HAO1: variants seen among roughly 807,000 people sequenced by gnomAD.
HAO1 encodes hydroxyacid oxidase 1.
A neutral mutation model predicts 39.7 loss-of-function variants in HAO1; 34 were observed. That is an observed-to-expected ratio of 0.86 (90% confidence interval 0.65 to 1.14). The LOEUF (loss-of-function observed/expected upper bound fraction) is 1.14. HAO1 is among the 50% of genes most tolerant of loss of function. HAO1 has a pLI of 0.00. For missense variants in HAO1, 479 were observed against 464.5 expected (o/e 1.03, Z -0.29); for synonymous variants, 172 against 173.2 (o/e 0.99, Z 0.05).
Position 7,906,180 on chromosome 20 carries a change from G to A in HAO1, c.695C>T (p.Pro232Leu). Reference sequence around the variant, plus strand: ...TCTCAAAATGCCCTTTGCAACAATTGGCAATGATGTCAGTCTTCTCAGCCA... The same window carrying A: ...TCTCAAAATGCCCTTTGCAACAATTAGCAATGATGTCAGTCTTCTCAGCCA... ...IKWLRRLTSL[P>L]IVAKGILRGD... The change falls in exon 4 of 8, where the codon CCA (proline) becomes CTA (leucine). Residue 232 changes from proline (P) to leucine (L), a missense_variant. Physicochemically the swap from Pro to Leu is moderately conservative, Grantham distance 98. Transcript: ENST00000378789. 1 of 1,612,954 alleles carries A rather than the reference G, an allele frequency of 6.2e-7. No individual in the cohort carries two copies. Among genetic ancestry groups the A allele is most frequent in the Non-Finnish European group, 8.5e-7 (1 of 1,179,054 alleles).
At chr20:7,921,951 C>A (rs1257164923) in intron 2 of HAO1, among the ~76,000 whole-genome samples, 1 of 151,798 alleles carries the variant, frequency 6.6e-6, no homozygotes, top group East Asian at 1.9e-4. Flanking sequence ...CTGGGGAATA[C>A]AACAGTGGGG....
intron 4 of HAO1, among the ~76,000 whole-genome samples, chr20:7,903,899 G>A (rs1169268431): frequency 6.6e-6 from 1 of 151,658 alleles, no homozygotes; most frequent in Non-Finnish European, 1.5e-5. Flanking sequence ...GGTGGTGGTG[G>A]TGGCAGTGGT....
rs1314021206 is a variant in HAO1, at chr20:7,914,496, G to A, written c.290-77C>T. ...AAACCTTTGAATTGTAGTTGGATGA[G>A]TAAAGACATCTAGAAGGGCAATTTG... On this transcript the variant is annotated intron_variant, in intron 2 of 7. Coordinates refer to ENST00000378789, the MANE Select transcript of HAO1 (RefSeq NM_017545.3). 3.3e-6 allele frequency: 5 copies of A among 1,510,150 alleles called. No homozygotes were observed. The Admixed American group carries it at 5.4e-5, about 16-fold the overall frequency. The allele number at this position is 1,510,150 out of a possible 1,614,324, so 93.5% of individuals were successfully genotyped here. A position where few individuals can be genotyped will look rare whatever the true frequency, so the allele number is the denominator to read the frequency against.
intron 2 of HAO1, among the ~76,000 whole-genome samples, chr20:7,922,321 A>G (rs1348457664): frequency 6.6e-6 from 1 of 152,156 alleles, no homozygotes; most frequent in Non-Finnish European, 1.5e-5. Context: ...AGATGCAAAG[A>G]AAAGGGAACC....
At chr20:7,939,286 C>T (rs2050429270) in intron 1 of HAO1, among the ~76,000 whole-genome samples, 1 of 152,174 alleles carries the variant, frequency 6.6e-6, no homozygotes, top group African/African-American at 2.4e-5. Flanking sequence ...ACCCCATTGC[C>T]ATTTTCAGTC....
intron 3 of HAO1, among the ~76,000 whole-genome samples, chr20:7,911,851 C>A (rs550573527): frequency 6.6e-6 from 1 of 152,220 alleles, no homozygotes; most frequent in Non-Finnish European, 1.5e-5. Flanking sequence ...CAGAAAGAAA[C>A]CGATTTCATA....
chr20:7,920,532 G>T (rs531870681), intron 2 of HAO1, among the ~76,000 whole-genome samples: 1 of 152,118 alleles, frequency 6.6e-6, no homozygotes, highest in African/African-American at 2.4e-5. Flanking sequence ...TACTCCAGTC[G>T]CACTGAAACT....
At chr20:7,921,742 G>A (rs954280417) in intron 2 of HAO1, among the ~76,000 whole-genome samples, 5 of 151,794 alleles carry the variant, frequency 3.3e-5, no homozygotes, top group Non-Finnish European at 7.4e-5. Context: ...TTTAAAATGT[G>A]GTACATATCC....
In HAO1 at chr20:7,940,313, A is replaced by C. The variant is rs760686125; in HGVS notation, c.110T>G (p.Leu37Trp). 2 of 1,607,034 alleles carry C rather than the reference A, an allele frequency of 1.2e-6. No individual in the cohort carries two copies. Among genetic ancestry groups the C allele is most frequent in the Non-Finnish European group, 1.7e-6 (2 of 1,177,972 alleles). The change falls in exon 1 of 8, where the codon TTG becomes TGG. Residue 37 changes from leucine to tryptophan, a missense_variant. Coordinates refer to ENST00000378789, the MANE Select transcript of HAO1 (RefSeq NM_017545.3). Reference protein sequence around the residue: ...YRSGANDEETLADNIAAFSRW... With the variant: ...YRSGANDEETWADNIAAFSRW... ...GGAAAATGCTGCAATATTATCAGCCAAAGTTTCTTCATCATTTGCCCCAGA... is the reference window on the plus strand; with the variant it reads ...GGAAAATGCTGCAATATTATCAGCCCAAGTTTCTTCATCATTTGCCCCAGA...
At position 7,919,232 on chromosome 20, in the gene HAO1, T is replaced by C. The variant is rs139489402; in HGVS notation, c.290-4813A>G. Among the ~76,000 whole-genome samples, 10 of 152,330 alleles carry C rather than the reference T, an allele frequency of 6.6e-5. No homozygotes were observed. The East Asian group carries it at 1.3e-3, about 21-fold the overall frequency. ...AGCCTACACCATCAAGTAACACTGA[T>C]CTTGTATGAAATCCCAGGACTCTCT... On this transcript the variant is annotated intron_variant, in intron 2 of 7. Coordinates refer to ENST00000378789, the MANE Select transcript of HAO1 (RefSeq NM_017545.3).
At chr20:7,905,369 G>A (rs566980371) in intron 4 of HAO1, among the ~76,000 whole-genome samples, 9 of 152,228 alleles carry the variant, frequency 5.9e-5, no homozygotes, top group Admixed American at 5.9e-4. Context: ...CTATGAAAAA[G>A]TTTTGATTCA....
intron 3 of HAO1, among the ~76,000 whole-genome samples, chr20:7,908,196 T>A (rs1181641235): frequency 6.6e-6 from 1 of 151,874 alleles, no homozygotes; most frequent in African/African-American, 2.4e-5. Flanking sequence ...TCAAGACCAG[T>A]CTGGCCAGCA....
intron 2 of HAO1, among the ~76,000 whole-genome samples, chr20:7,915,897 T>G (rs1320725474): frequency 6.6e-6 from 1 of 152,166 alleles, no homozygotes; most frequent in East Asian, 1.9e-4. Context: ...GTTAGTTTAA[T>G]TTTTTTCTTC....
At chr20:7,907,512 C>T (rs1385308920) in intron 3 of HAO1, among the ~76,000 whole-genome samples, 2 of 152,212 alleles carry the variant, frequency 1.3e-5, no homozygotes, top group Non-Finnish European at 2.9e-5. Flanking sequence ...CACTTTCCTA[C>T]TCCTCTAGCA....
intron 2 of HAO1, among the ~76,000 whole-genome samples, chr20:7,925,601 C>A (rs1192310325): frequency 6.6e-6 from 1 of 152,156 alleles, no homozygotes; most frequent in Non-Finnish European, 1.5e-5. Context: ...GAGACCATAA[C>A]ACAGTGATAG....
At chr20:7,901,761 G>A (rs1405757980) in intron 4 of HAO1, among the ~76,000 whole-genome samples, 2 of 152,078 alleles carry the variant, frequency 1.3e-5, no homozygotes, top group Admixed American at 1.3e-4. Flanking sequence ...TGATGAATAA[G>A]AGCAAAATAA....
intron 2 of HAO1, among the ~76,000 whole-genome samples, chr20:7,920,080 G>A (rs192131183): frequency 2.1e-3 from 315 of 152,116 alleles, no homozygotes; most frequent in Non-Finnish European, 3.6e-3. Context: ...ACGCATCAAG[G>A]CAGGGAACTG....
Position 7,895,230 on chromosome 20 carries a change from G to C in HAO1, c.722-6C>G, listed in dbSNP as rs754366537. On this transcript the variant is annotated splice_polypyrimidine_tract_variant and splice_region_variant and intron_variant, in intron 4 of 7. Coordinates refer to ENST00000378789, the MANE Select transcript of HAO1 (RefSeq NM_017545.3). ...AGCCTCCCTGGCATCATCACCTGGA[G>C]AGAGTAAAACAAGCACCTTAGGGAA... is the stretch of plus-strand genomic sequence containing the variant. 1 of 1,588,730 alleles carries C rather than the reference G, an allele frequency of 6.3e-7. No individual in the cohort carries two copies. The highest frequency in any genetic ancestry group is 1.3e-5 in the African/African-American group (1 of 74,538).
At chr20:7,923,001 A>G (rs1012530442) in intron 2 of HAO1, among the ~76,000 whole-genome samples, 1 of 152,164 alleles carries the variant, frequency 6.6e-6, no homozygotes, top group Non-Finnish European at 1.5e-5. Context: ...ATTAGAGTTA[A>G]ATCACATGTC....
Sources: gnomAD v4.1 joint callset for allele counts (sites outside exome capture counted in the v4.1 genomes callset) on GRCh38, gnomAD v4.1.1 for gene constraint, MANE v1.5 for transcripts, NCBI Gene and HGNC (gene_info 2026-07-23, HGNC 2026-07-21) for gene names.